NOS1: variants seen among roughly 807,000 people sequenced by gnomAD.
NOS1 encodes the protein NOS type I.
In NOS1, 51 loss-of-function variants were observed where a neutral mutation model predicts 164.5. The ratio of observed to expected loss-of-function variants is 0.31; its 90% CI spans 0.25 to 0.39. NOS1 has a LOEUF of 0.39. NOS1 is among the 10% of genes least tolerant of loss of function. NOS1 has a pLI of 1.00. For synonymous variants in NOS1, 719 were observed against 745.8 expected, an observed-to-expected ratio of 0.96 and a Z score of 0.59; for missense variants, 1,362 against 1,885.6, an observed-to-expected ratio of 0.72 and a Z score of 5.14.
intron 1 of NOS1, among the ~76,000 whole-genome samples, chr12:117,336,907 C>T (rs1359221576): frequency 2.0e-5 from 3 of 151,996 alleles, no homozygotes; most frequent in Non-Finnish European, 4.4e-5. Flanking sequence ...AGTGATCCTC[C>T]TACTTCAGCC....
intron 12 of NOS1, 65 bp downstream of exon 12, chr12:117,265,251 T>G: frequency 1.4e-6 from 2 of 1,413,468 alleles, no homozygotes; most frequent in South Asian, 1.7e-5. Flanking sequence ...GAAATGAGCC[T>G]AAATGTGACA....
At chr12:117,271,428 C>T (rs1016201800) in intron 10 of NOS1, among the ~76,000 whole-genome samples, 10 of 152,180 alleles carry the variant, frequency 6.6e-5, no homozygotes, top group African/African-American at 2.4e-4. Context: ...TAGGCGCAAG[C>T]CATCATGCCT....
At chr12:117,344,131 T>A (rs1170645153) in intron 1 of NOS1, among the ~76,000 whole-genome samples, 1 of 152,214 alleles carries the variant, frequency 6.6e-6, no homozygotes, top group Non-Finnish European at 1.5e-5. Flanking sequence ...TGTAAACTAG[T>A]ACCAAGGACA....
chr12:117,271,575 A>G (rs1872794692), intron 10 of NOS1, among the ~76,000 whole-genome samples: 1 of 152,136 alleles, frequency 6.6e-6, no homozygotes, highest in Non-Finnish European at 1.5e-5. Flanking sequence ...CGCCCAGCCA[A>G]CCGGTGGATT....
At chr12:117,328,160 T>C (rs1875347885) in intron 2 of NOS1, among the ~76,000 whole-genome samples, 1 of 148,472 alleles carries the variant, frequency 6.7e-6, no homozygotes, top group South Asian at 2.3e-4. Context: ...CCTCCCTCCC[T>C]TCCTCCAGGC....
rs1354415080 is a variant in NOS1, at chr12:117,287,977, T to C, written c.1127+97A>G. On this transcript the variant is annotated intron_variant, in intron 5 of 28. Transcript: ENST00000317775. ...TAAGCCTCTGTGTATGGCAGAGGCC[T>C]TGTGCCTTGGCCTTGGTTTGCAAAG... The C allele has an allele frequency of 7.9e-6, 11 of 1,398,074 alleles. No homozygotes were observed. The South Asian group carries it at 1.3e-4, about 16-fold the overall frequency. 86.6% of individuals were successfully genotyped at this position (1,398,074 alleles called of 1,614,324 possible).
In NOS1 at chr12:117,212,309, G is replaced by C. The variant is rs994710332; in HGVS notation, c.*3000C>G. On this transcript the variant is annotated 3_prime_UTR_variant, in exon 29 of 29. Transcript: ENST00000317775. ...TAAAAGGTCAAGTGAGCCGCCCACA[G>C]CCATCTGCACCAACAGGGGCAGAAT... 6 of 985,298 alleles carry C rather than the reference G, an allele frequency of 6.1e-6. No individual in the cohort carries two copies. In the African/African-American group the frequency reaches 1.0e-4, roughly 17 times the overall value. 61.0% of individuals were successfully genotyped at this position (985,298 alleles called of 1,614,324 possible). A position where few individuals can be genotyped will look rare whatever the true frequency, so the allele number is the denominator to read the frequency against.
At chr12:117,284,275 A>G (rs1873921625) in intron 7 of NOS1, among the ~76,000 whole-genome samples, 1 of 152,166 alleles carries the variant, frequency 6.6e-6, no homozygotes, top group Non-Finnish European at 1.5e-5. Context: ...GGCAGCAGTG[A>G]GCGGGCAGAG....
chr12:117,214,910 G>A lies in NOS1; in HGVS notation c.*399C>T. 9.9e-7 allele frequency: 1 copy of A among 1,014,432 alleles called. No homozygotes were observed. The highest frequency in any genetic ancestry group is 1.7e-5 in the African/African-American group (1 of 58,466). The allele number at this position is 1,014,432 out of a possible 1,614,324, so 62.8% of individuals were successfully genotyped here. On this transcript the variant is annotated 3_prime_UTR_variant, in exon 29 of 29. Coordinates refer to ENST00000317775, the MANE Select transcript of NOS1 (RefSeq NM_000620.5). ...TGTCATCATAAAAAAGGAGAAAGGG[G>A]GACTTCAGTGGCTGAGGGACTGGCT...
At chr12:117,265,037 G>A (rs1411684236) in intron 12 of NOS1, among the ~76,000 whole-genome samples, 2 of 151,874 alleles carry the variant, frequency 1.3e-5, no homozygotes, top group South Asian at 2.1e-4. Context: ...TTAGAGATGG[G>A]GTCTCACTAT....
In NOS1 at chr12:117,288,115, G is replaced by A. The variant is rs1180877211; in HGVS notation, c.1086C>T (p.Leu362=). Residue 362 remains leucine, a synonymous_variant, in exon 5 of 29, where the codon CTC becomes CTT. Coordinates refer to ENST00000317775, the MANE Select transcript of NOS1 (RefSeq NM_000620.5). ...AGTATTGATCAATAAACTCTTTGGC[G>A]AGAGGGAAGAGCTGTCCTTTTGTGC... ...DVRTKGQLFP[L]AKEFIDQYYS... 2.5e-6 allele frequency: 4 copies of A among 1,614,176 alleles called. No homozygotes were observed. Among genetic ancestry groups the A allele is most frequent in the East Asian group, 2.2e-5 (1 of 44,890 alleles).
intron 1 of NOS1, among the ~76,000 whole-genome samples, chr12:117,348,924 G>A (rs112904783): frequency 2.6e-5 from 4 of 152,298 alleles, no homozygotes; most frequent in South Asian, 2.1e-4. Context: ...AGGGTCTGTC[G>A]TTTAGTTAAT....
At chr12:117,294,125 A>C (rs938679183) in intron 3 of NOS1, among the ~76,000 whole-genome samples, 5 of 152,174 alleles carry the variant, frequency 3.3e-5, no homozygotes, top group African/African-American at 7.2e-5. Context: ...TTCTCCCTAC[A>C]TACCCAGTTT....
rs1031294055 is a variant in NOS1, at chr12:117,209,387, A to G, written c.*5922T>C. On this transcript the variant is annotated 3_prime_UTR_variant, in exon 29 of 29. Coordinates refer to ENST00000317775, the MANE Select transcript of NOS1 (RefSeq NM_000620.5). ...AAGAATTACCCAGCCCCAAATGCCAATAGTGCTAAGGTTGACAGACCCTGC... is the reference window on the plus strand; with the variant it reads ...AAGAATTACCCAGCCCCAAATGCCAGTAGTGCTAAGGTTGACAGACCCTGC... The G allele has an allele frequency of 1.0e-6, 1 of 985,158 alleles. No individual in the cohort carries two copies. The highest frequency in any genetic ancestry group is 1.7e-5 in the African/African-American group (1 of 57,240). 61.0% of individuals were successfully genotyped at this position (985,158 alleles called of 1,614,324 possible). A position where few individuals can be genotyped will look rare whatever the true frequency, so the allele number is the denominator to read the frequency against.
chr12:117,355,124 C>T (rs1242232192), intron 1 of NOS1, among the ~76,000 whole-genome samples: 1 of 152,120 alleles, frequency 6.6e-6, no homozygotes, highest in Non-Finnish European at 1.5e-5. Flanking sequence ...AAATGCTTTT[C>T]AGGGCACCTC....
intron 8 of NOS1, among the ~76,000 whole-genome samples, chr12:117,280,118 C>T (rs1873512996): frequency 6.6e-6 from 1 of 152,172 alleles, no homozygotes; most frequent in African/African-American, 2.4e-5. Context: ...ACCTGTGCTA[C>T]CTGCCCGCAC....
chr12:117,233,776 C>T (rs574822825), intron 21 of NOS1, among the ~76,000 whole-genome samples: 1 of 146,366 alleles, frequency 6.8e-6, no homozygotes, highest in Non-Finnish European at 1.5e-5. Context: ...CCACTGCACT[C>T]CAGCCTGGGC....
At position 117,288,227 on chromosome 12, in the gene NOS1, A is replaced by T; in HGVS notation, c.982-8T>A. 3 of 1,609,824 alleles carry T rather than the reference A, an allele frequency of 1.9e-6. No individual in the cohort carries two copies. In the South Asian group the frequency reaches 3.3e-5, roughly 18 times the overall value. On this transcript the variant is annotated splice_region_variant and splice_polypyrimidine_tract_variant and intron_variant, in intron 4 of 28. Coordinates refer to ENST00000317775, the MANE Select transcript of NOS1 (RefSeq NM_000620.5). ...CTCAGTGCATCCCGTTTCCTGGAAG[A>T]TCAAGAGATTTGGGGTATTGCTTGG...
intron 3 of NOS1, among the ~76,000 whole-genome samples, chr12:117,300,487 G>T (rs1163563828): frequency 4.6e-5 from 7 of 152,198 alleles, no homozygotes; most frequent in Non-Finnish European, 1.0e-4. Context: ...AAGTTTGGTT[G>T]CTGGCCTCTT....
Sources: gnomAD v4.1 joint callset for allele counts (sites outside exome capture counted in the v4.1 genomes callset) on GRCh38, gnomAD v4.1.1 for gene constraint, MANE v1.5 for transcripts, NCBI Gene and HGNC (gene_info 2026-07-23, HGNC 2026-07-21) for gene names.